The following MAGI1 variants were observed in gnomAD, a reference collection of about 807,000 sequenced individuals.
MAGI1 encodes membrane associated guanylate kinase, WW and PDZ domain containing 1.
Under a neutral mutation model 139.9 loss-of-function variants are expected in MAGI1, and 58 were observed. The observed-to-expected ratio is 0.41, with a 90% CI of 0.34 to 0.52. The LOEUF is 0.52. Among genes scored for constraint, MAGI1 ranks in the 20% least tolerant of loss-of-function variants. MAGI1 has a pLI of 0.12. For synonymous variants in MAGI1, 812 were observed against 737.9 expected (o/e 1.10, Z -1.63); for missense variants, 1,874 against 1,901.6 (o/e 0.99, Z 0.27).
At chr3:65,413,858 G>A (rs1945985787) in intron 12 of MAGI1, among the ~76,000 whole-genome samples, 1 of 152,140 alleles carries the variant, frequency 6.6e-6, no homozygotes, top group South Asian at 2.1e-4. Context: ...GGAGATGCAG[G>A]AAAATGCAAG....
chr3:65,926,334 T>TCTCTCTCC (rs2062508712), intron 1 of MAGI1, among the ~76,000 whole-genome samples: 1 of 144,504 alleles, frequency 6.9e-6, no homozygotes, highest in Non-Finnish European at 1.5e-5. Context: ...CTTTTCTCTC[T>TCTCTCTCC]CTCTCTCTCT....
rs1463024201 is a variant in MAGI1 at position 65,635,559 on chromosome 3, C to G, written c.314-13471G>C. ...ATGGCACAGACTTCCAGAGAACACT[C>G]AGCCAAGGCATAAGAGCAAGGTTTG... On this transcript the variant is annotated intron_variant, in intron 1 of 22. Transcript: ENST00000402939. 7.9e-5 allele frequency among the ~76,000 whole-genome samples: 12 copies of G among 152,306 alleles called. No individual in the cohort carries two copies. The East Asian group carries it at 1.7e-3, about 22-fold the overall frequency.
intron 1 of MAGI1, among the ~76,000 whole-genome samples, chr3:65,962,031 T>C (rs1392705729): frequency 6.6e-6 from 1 of 152,130 alleles, no homozygotes; most frequent in African/African-American, 2.4e-5. Context: ...GAAGAGGTTG[T>C]TTGTCTCCTC....
In MAGI1 at chr3:65,405,855, C is replaced by A. The variant is rs12631038; in HGVS notation, c.2168-4385G>T. 5.0e-3 allele frequency among the ~76,000 whole-genome samples: 372 copies of A among 73,994 alleles called. 3 individuals carry two copies. Among genetic ancestry groups the A allele is most frequent in the South Asian group, 0.023 (32 of 1,404 alleles). The allele number at this position is 73,994 out of a possible 152,430, so 48.5% of individuals were successfully genotyped here. On this transcript the variant is annotated intron_variant, in intron 12 of 22. Transcript: ENST00000402939. ...TGATCCACCCACCTCAGCCTCCCAA[C>A]GTGCTGGGATTACAGATGCACGTCA... is the stretch of plus-strand genomic sequence containing the variant.
chr3:65,433,982 A>G (rs1326765655), intron 10 of MAGI1, among the ~76,000 whole-genome samples: 2 of 152,116 alleles, frequency 1.3e-5, no homozygotes, highest in Non-Finnish European at 2.9e-5. Context: ...TAATTTTTTG[A>G]TTTTTTAACT....
intron 2 of MAGI1, among the ~76,000 whole-genome samples, chr3:65,617,873 C>G (rs1185115142): frequency 1.3e-5 from 2 of 152,106 alleles, no homozygotes; most frequent in African/African-American, 4.8e-5. Flanking sequence ...TAGGAGTGGC[C>G]TGGTCACTCA....
chr3:65,810,627 A>G (rs1378064312), intron 1 of MAGI1, among the ~76,000 whole-genome samples: 1 of 152,346 alleles, frequency 6.6e-6, no homozygotes, highest in East Asian at 1.9e-4. Context: ...CATCTCTGTC[A>G]GGAATGGTGG....
At chr3:65,621,945 G>C in intron 2 of MAGI1, 27 bp downstream of exon 2, 1 of 1,444,980 alleles carries the variant, frequency 6.9e-7, no homozygotes, top group Non-Finnish European at 9.6e-7. Flanking sequence ...ACACACAGCA[G>C]TGAGATGCCA....
intron 2 of MAGI1, among the ~76,000 whole-genome samples, chr3:65,514,605 T>G (rs1431629541): frequency 1.6e-4 from 22 of 133,986 alleles, no homozygotes; most frequent in African/African-American, 6.1e-4. Flanking sequence ...AAAACCACAA[T>G]GAGATACCAT....
At chr3:65,847,858 A>G (rs2059060669) in intron 1 of MAGI1, among the ~76,000 whole-genome samples, 1 of 152,338 alleles carries the variant, frequency 6.6e-6, no homozygotes, top group South Asian at 2.1e-4. Context: ...TCACAGAAAT[A>G]GCAGAGCTGG....
At chr3:65,895,072 A>G (rs930090591) in intron 1 of MAGI1, among the ~76,000 whole-genome samples, 3 of 152,244 alleles carry the variant, frequency 2.0e-5, no homozygotes, top group Non-Finnish European at 4.4e-5. Flanking sequence ...CTTTTATTTT[A>G]GATATCTGTG....
intron 12 of MAGI1, among the ~76,000 whole-genome samples, chr3:65,414,219 C>A (rs1397325608): frequency 6.6e-6 from 1 of 152,138 alleles, no homozygotes; most frequent in African/African-American, 2.4e-5. Context: ...TACAAGAAAC[C>A]AGCTATGGAT....
intron 1 of MAGI1, among the ~76,000 whole-genome samples, chr3:65,709,542 T>G (rs1671584057): frequency 6.6e-6 from 1 of 152,198 alleles, no homozygotes; most frequent in African/African-American, 2.4e-5. Context: ...GGGTGAGTTT[T>G]GGGAAAGCAA....
intron 1 of MAGI1, among the ~76,000 whole-genome samples, chr3:65,624,883 C>CT (rs972140884): frequency 6.6e-6 from 1 of 152,024 alleles, no homozygotes; most frequent in Non-Finnish European, 1.5e-5. Context: ...ATAATATTTT[C>CT]TTTTTTTAAG....
intron 2 of MAGI1, among the ~76,000 whole-genome samples, chr3:65,545,353 T>C (rs926811657): frequency 6.6e-6 from 1 of 152,150 alleles, no homozygotes; most frequent in Non-Finnish European, 1.5e-5. Flanking sequence ...GTATATATGA[T>C]ATTAAAAAGG....
rs142194909 is a variant in MAGI1 at position 66,012,583 on chromosome 3, T to C, written c.313+25413A>G. Reference sequence around the variant, plus strand: ...GAGTTTGAGACCAGCCTGGCCAACATGGCGAAACCCCATCTCTACTAAAAA... The same window carrying C: ...GAGTTTGAGACCAGCCTGGCCAACACGGCGAAACCCCATCTCTACTAAAAA... On this transcript the variant is annotated intron_variant, in intron 1 of 22. Transcript: ENST00000402939. Among the ~76,000 whole-genome samples the C allele has an allele frequency of 5.9e-3, 903 of 152,128 alleles. 10 individuals are homozygous for C. Among genetic ancestry groups the C allele is most frequent in the African/African-American group, 0.02 (847 of 41,504 alleles).
At position 65,551,455 on chromosome 3, in the gene MAGI1, C is replaced by T. The variant is rs1206732315; in HGVS notation, c.431-57824G>A. ...GGCTGGGATTACAGGCACGCACCAC[C>T]GCGCGCGGCTAATTTTCTGTGTTTT... On this transcript the variant is annotated intron_variant, in intron 2 of 22. Transcript: ENST00000402939. Among the ~76,000 whole-genome samples, 4 of 152,142 alleles carry T rather than the reference C, an allele frequency of 2.6e-5. No homozygotes were observed. In the East Asian group the frequency reaches 7.7e-4, roughly 29 times the overall value.
At chr3:65,869,440 A>G (rs1319449089) in intron 1 of MAGI1, among the ~76,000 whole-genome samples, 1 of 148,430 alleles carries the variant, frequency 6.7e-6, no homozygotes, top group Non-Finnish European at 1.5e-5. Context: ...TTGCTCTCTC[A>G]CCCAGGTTGG....
intron 13 of MAGI1, among the ~76,000 whole-genome samples, chr3:65,396,712 G>C (rs1944418413): frequency 6.6e-6 from 1 of 152,196 alleles, no homozygotes; most frequent in African/African-American, 2.4e-5. Context: ...AAGAGCGAAG[G>C]CTACTGCAGC....
Sources: gnomAD v4.1 joint callset for allele counts (sites outside exome capture counted in the v4.1 genomes callset) on GRCh38, gnomAD v4.1.1 for gene constraint, MANE v1.5 for transcripts, NCBI Gene and HGNC (gene_info 2026-07-23, HGNC 2026-07-21) for gene names.